Variants in NEB observed in about 807,000 individuals in gnomAD.
NEB encodes nebulin.
NEB carries 512 observed loss-of-function variants against 952.2 expected under a neutral mutation model. The ratio of observed to expected loss-of-function variants is 0.54; its 90% CI spans 0.50 to 0.58. The LOEUF (loss-of-function observed/expected upper bound fraction) is 0.58. Among genes scored for constraint, NEB ranks in the 20% least tolerant of loss-of-function variants. The pLI is 0.00. For synonymous variants in NEB, 2,900 were observed against 3,149.8 expected (o/e 0.92, Z 2.66); for missense variants, 8,428 against 9,231.1 (o/e 0.91, Z 3.56).
At chr2:151,539,512 G>A (rs1473671225) in intron 138 of NEB, among the ~76,000 whole-genome samples, 2 of 152,194 alleles carry the variant, frequency 1.3e-5, no homozygotes, top group African/African-American at 4.8e-5. Flanking sequence ...ATGTTGCTAA[G>A]TTGAGGGGGT....
intron 17 of NEB, among the ~76,000 whole-genome samples, 198 bp from the exon 18 acceptor site, chr2:151,695,880 A>T (rs1009476025): frequency 1.2e-4 from 18 of 152,062 alleles, no homozygotes. Flanking sequence ...CCATGGTAGG[A>T]CCCTAAGGGA....
At chr2:151,670,995 C>T (rs754156824) in intron 38 of NEB, 28 bp downstream of exon 38, 2 of 1,597,094 alleles carry the variant, frequency 1.3e-6, no homozygotes, top group Non-Finnish European at 1.7e-6. Flanking sequence ...TATTTACGGG[C>T]AAATCATTTT....
Position 151,665,517 on chromosome 2 carries a change from G to C in NEB, c.5054C>G (p.Thr1685Ser). ...QSDNLYKSDF[T>S]NWMKGIGWVP... ...CCAGCCGATCCCTTTCATCCAATTG[G>C]TGAAGTCAGATTTGTACAGATTCTT... The change falls in exon 42 of 182, where the codon ACC (threonine) becomes AGC (serine). Residue 1685 changes from threonine (T) to serine (S), a missense_variant. Coordinates refer to ENST00000397345, the MANE Select transcript of NEB (RefSeq NM_001164508.2). The C allele has an allele frequency of 6.2e-7, 1 of 1,608,008 alleles. No homozygotes were observed. The highest frequency in any genetic ancestry group is 1.1e-5 in the South Asian group (1 of 89,646).
At chr2:151,647,115 AT>A (rs562083839) in intron 54 of NEB, among the ~76,000 whole-genome samples, 9,611 of 147,586 alleles carry the variant, frequency 0.065, 376 homozygotes, top group Middle Eastern at 0.1. Flanking sequence ...AAAACTAATA[AT>A]TTTTTTTTTT....
intron 135 of NEB, 117 bp downstream of exon 135, chr2:151,545,771 T>C (rs975769234): frequency 1.6e-6 from 1 of 626,664 alleles, no homozygotes; most frequent in Non-Finnish European, 2.8e-6. Context: ...AGGGGAAATA[T>C]TTTACCTGCC....
intron 51 of NEB, among the ~76,000 whole-genome samples, 183 bp from the exon 52 acceptor site, chr2:151,654,282 A>G (rs1233932918): frequency 6.6e-6 from 1 of 152,166 alleles, no homozygotes; most frequent in Non-Finnish European, 1.5e-5. Flanking sequence ...ACTCAGCATC[A>G]TATGACCTGG....
intron 25 of NEB, among the ~76,000 whole-genome samples, chr2:151,688,072 G>C (rs948942943): frequency 6.6e-6 from 1 of 152,130 alleles, no homozygotes; most frequent in Admixed American, 6.5e-5. Flanking sequence ...AATAGTAGAC[G>C]GGTAATTGGA....
At position 151,658,102 on chromosome 2, in the gene NEB, G is replaced by A; in HGVS notation, c.6076-12C>T. On this transcript the variant is annotated splice_polypyrimidine_tract_variant and intron_variant, in intron 47 of 181. Transcript: ENST00000397345. ...AGTTTGTAGAGTTTCTGTAAAGAGA[G>A]GCAAAGGGAAGAGTTTTCTTCTAAA... The A allele has an allele frequency of 6.5e-7, 1 of 1,529,996 alleles. No homozygotes were observed. The highest frequency in any genetic ancestry group is 9.0e-7 in the Non-Finnish European group (1 of 1,112,844). The allele number at this position is 1,529,996 out of a possible 1,614,324, so 94.8% of individuals were successfully genotyped here.
In NEB at chr2:151,694,542, TG is replaced by T; in HGVS notation, c.1761del (p.Asn588ThrfsTer8). 6.2e-7 allele frequency: 1 copy of T among 1,613,228 alleles called. No individual in the cohort carries two copies. The highest frequency in any genetic ancestry group is 8.5e-7 in the Non-Finnish European group (1 of 1,179,410). On this transcript the variant is annotated frameshift_variant, in exon 19 of 182. Coordinates refer to ENST00000397345, the MANE Select transcript of NEB (RefSeq NM_001164508.2). LOFTEE classifies it high-confidence loss of function. ...VDAIPLLAAK[A>X]NTKNTSDVMY... The stretch of plus-strand genomic sequence containing the variant: ...CTCACATCGCTGGTGTTCTTGGTGT[TG>T]GCTTTGGCTGCCAGCAGGGGAATGG...
rs1305647551 is a variant in NEB, at chr2:151,491,752, G to T, written c.25081C>A (p.Pro8361Thr). 1.9e-6 allele frequency: 3 copies of T among 1,593,480 alleles called. No individual in the cohort carries two copies. Among genetic ancestry groups the T allele is most frequent in the Non-Finnish European group, 2.6e-6 (3 of 1,169,202 alleles). ...GGATCATAGTCAAAAACCGAACCAG[G>T]ATTAGTACGCCAGACACGTAAACCT... ...ITGLRVWRTN[P>T]GSVFDYDPAE... The change falls in exon 179 of 182, where the codon CCT (proline) becomes ACT (threonine). Residue 8361 changes from proline to threonine, a missense_variant. Coordinates refer to ENST00000397345, the MANE Select transcript of NEB (RefSeq NM_001164508.2).
intron 166 of NEB, 97 bp downstream of exon 166, chr2:151,503,252 G>C (rs961123822): frequency 4.5e-6 from 4 of 880,436 alleles, no homozygotes; most frequent in East Asian, 2.5e-5. Context: ...GACACACACA[G>C]AATTGCTGTT....
At chr2:151,541,817 T>C (rs898758475) in intron 135 of NEB, among the ~76,000 whole-genome samples, 3 of 152,328 alleles carry the variant, frequency 2.0e-5, no homozygotes, top group South Asian at 2.1e-4. Context: ...TTGTCCCTTC[T>C]AGTACCCTAT....
intron 135 of NEB, among the ~76,000 whole-genome samples, chr2:151,542,842 G>A (rs2094236021): frequency 6.6e-6 from 1 of 152,066 alleles, no homozygotes. Context: ...AAAGTCCAAG[G>A]TCATTTATAT....
At chr2:151,716,765 G>A (rs2099760268) in intron 10 of NEB, among the ~76,000 whole-genome samples, 1 of 152,096 alleles carries the variant, frequency 6.6e-6, no homozygotes, top group Admixed American at 6.6e-5. Context: ...TCCACAGAGG[G>A]CAAGATAAAG....
chr2:151,655,455 C>T, intron 50 of NEB, 81 bp from the exon 51 acceptor site: 1 of 675,144 alleles, frequency 1.5e-6, no homozygotes, highest in Non-Finnish European at 2.4e-6. Flanking sequence ...TATATTAGTA[C>T]TTGAATGCAC....
Position 151,612,350 on chromosome 2 carries a change from C to G in NEB, c.11641G>C (p.Gly3881Arg). ...KSDLEWLRGI[G>R]WVPIGSVEVE... is the part of the protein sequence containing the mutation. ...TCTACAGAGCCAATGGGAACCCATC[C>G]TATGCCTCTCAGCCACTCAAGATCA... The change falls in exon 78 of 182, where the codon GGA (glycine) becomes CGA (arginine). Residue 3881 changes from glycine to arginine, a missense_variant. Physicochemically the swap from Gly to Arg is moderately radical, Grantham distance 125. Coordinates refer to ENST00000397345, the MANE Select transcript of NEB (RefSeq NM_001164508.2). 1 of 1,613,838 alleles carries G rather than the reference C, an allele frequency of 6.2e-7. No homozygotes were observed. Among genetic ancestry groups the G allele is most frequent in the Non-Finnish European group, 8.5e-7 (1 of 1,179,808 alleles).
At position 151,560,694 on chromosome 2, in the gene NEB, C is replaced by T. The variant is rs1214330371; in HGVS notation, c.19212G>A (p.Leu6404=). 6.2e-7 allele frequency: 1 copy of T among 1,607,090 alleles called. No individual in the cohort carries two copies. Residue 6404 remains leucine, a synonymous_variant, in exon 124 of 182, where the codon CTG becomes CTA. Coordinates refer to ENST00000397345, the MANE Select transcript of NEB (RefSeq NM_001164508.2). The stretch of plus-strand genomic sequence containing the variant: ...TCACTCTATCCCAGGCCTCCTTGTA[C>T]AGGTTCTGCAGGAATTAAAGACCTT... The part of the protein sequence containing the change: ...RNLKNLYSSN[L]YKEAWDRVKA...
Position 151,548,395 on chromosome 2 carries a change from A to G in NEB, c.20070T>C (p.Tyr6690=). Residue 6690 remains tyrosine (Y), a synonymous_variant, in exon 131 of 182, where the codon TAT becomes TAC. Transcript: ENST00000397345. ...TATACCCATATGCCTTGGTGTGTTCATAGGCTTCTTTGTACTTGAACTGCA... is the reference window on the plus strand; with the variant it reads ...TATACCCATATGCCTTGGTGTGTTCGTAGGCTTCTTTGTACTTGAACTGCA... ...MSSYFKYKEA[Y]EHTKAYGYTL... The G allele has an allele frequency of 5.0e-6, 8 of 1,613,466 alleles. No homozygotes were observed. The highest frequency in any genetic ancestry group is 1.3e-5 in the African/African-American group (1 of 75,052).
At chr2:151,538,771 T>C (rs1482235939) in intron 138 of NEB, among the ~76,000 whole-genome samples, 1 of 152,160 alleles carries the variant, frequency 6.6e-6, no homozygotes, top group Non-Finnish European at 1.5e-5. Context: ...GTCTTAAAAC[T>C]TCATTTCATT....
Sources: allele counts gnomAD v4.1 joint callset (sites outside exome capture counted in the v4.1 genomes callset), GRCh38; gene constraint gnomAD v4.1.1; transcripts MANE v1.5; gene names NCBI Gene and HGNC (gene_info 2026-07-23, HGNC 2026-07-21).